Variants in DLGAP2 observed in about 807,000 individuals in gnomAD.
DLGAP2 encodes the protein disks large-associated protein 2.
In DLGAP2, 26 loss-of-function variants were observed where a neutral mutation model predicts 100.3. That is an observed-to-expected ratio of 0.26 (90% CI 0.19 to 0.36). DLGAP2 has a LOEUF of 0.36. DLGAP2 is among the 10% of genes least tolerant of loss of function. The pLI is 1.00. For synonymous variants in DLGAP2, 886 were observed against 630.1 expected (o/e 1.41, Z -6.08); for missense variants, 1,858 against 1,453.2 (o/e 1.28, Z -4.53).
chr8:901,952 G>A (rs1798260275), intron 1 of DLGAP2, among the ~76,000 whole-genome samples: 1 of 152,232 alleles, frequency 6.6e-6, no homozygotes, highest in African/African-American at 2.4e-5. Flanking sequence ...GAAACTGGCT[G>A]GAGGGCAGCG....
At chr8:1,628,914 A>G (rs916864354) in intron 7 of DLGAP2, among the ~76,000 whole-genome samples, 14 of 152,364 alleles carry the variant, frequency 9.2e-5, no homozygotes, top group Middle Eastern at 3.4e-3. Flanking sequence ...CGGCGTGACA[A>G]TGGAAGTACA....
chr8:1,215,312 C>T (rs1036368523), intron 2 of DLGAP2, among the ~76,000 whole-genome samples: 3 of 152,214 alleles, frequency 2.0e-5, no homozygotes, highest in African/African-American at 7.2e-5. Context: ...ACCTTCTGAG[C>T]ATGATCATGC....
intron 2 of DLGAP2, among the ~76,000 whole-genome samples, chr8:1,026,198 C>A (rs77929988): frequency 0.09 from 13,629 of 152,144 alleles, 1,394 homozygotes; most frequent in African/African-American, 0.24. Flanking sequence ...CAGGACGTGC[C>A]TCACGATCGT....
At chr8:1,408,181 C>T (rs1796627400) in intron 3 of DLGAP2, among the ~76,000 whole-genome samples, 1 of 152,218 alleles carries the variant, frequency 6.6e-6, no homozygotes, top group South Asian at 2.1e-4. Context: ...CATTTTATTC[C>T]CGTAGTTGAA....
chr8:1,553,999 G>A (rs1270564361), intron 5 of DLGAP2, among the ~76,000 whole-genome samples: 1 of 152,202 alleles, frequency 6.6e-6, no homozygotes, highest in African/African-American at 2.4e-5. Context: ...TAAAAGGCTT[G>A]TCACAGGGCC....
intron 4 of DLGAP2, among the ~76,000 whole-genome samples, chr8:1,532,047 G>C (rs925200727): frequency 6.6e-6 from 1 of 152,188 alleles, no homozygotes; most frequent in African/African-American, 2.4e-5. Flanking sequence ...GAAGGTGAGA[G>C]ACACATGGTT....
At chr8:917,907 T>G (rs1044009014) in intron 2 of DLGAP2, among the ~76,000 whole-genome samples, 1 of 152,184 alleles carries the variant, frequency 6.6e-6, no homozygotes, top group African/African-American at 2.4e-5. Flanking sequence ...GAGGTAAAGT[T>G]GATCAAAATG....
At chr8:925,268 G>C (rs1439453909) in intron 2 of DLGAP2, among the ~76,000 whole-genome samples, 6 of 152,134 alleles carry the variant, frequency 3.9e-5, no homozygotes, top group East Asian at 1.9e-4. Flanking sequence ...ACCTTGCTCA[G>C]CTAATTTTTA....
chr8:931,000 C>A (rs1314989346), intron 2 of DLGAP2, among the ~76,000 whole-genome samples: 1 of 152,160 alleles, frequency 6.6e-6, no homozygotes, highest in Non-Finnish European at 1.5e-5. Context: ...TTCCTTAAAT[C>A]CCCAGTGAAG....
At chr8:1,143,716 C>G (rs963955749) in intron 2 of DLGAP2, among the ~76,000 whole-genome samples, 2 of 152,246 alleles carry the variant, frequency 1.3e-5, no homozygotes, top group Non-Finnish European at 2.9e-5. Context: ...CCCTAAGTCA[C>G]TGGGTGCCCT....
chr8:1,125,359 A>C lies in DLGAP2; in HGVS notation c.74-133492A>C, dbSNP rs545397241. ...CCGGACAAATACCTGGATCTTGATC[A>C]AATTTTTTTTATGGAAAAAAATGAG... On this transcript the variant is annotated intron_variant, in intron 2 of 14. Coordinates refer to ENST00000637795, the MANE Select transcript of DLGAP2 (RefSeq NM_001346810.2). Among the ~76,000 whole-genome samples, 185 of 152,340 alleles carry C rather than the reference A, an allele frequency of 1.2e-3. 1 individual carries two copies. Among genetic ancestry groups the C allele is most frequent in the African/African-American group, 4.4e-3 (182 of 41,576 alleles).
chr8:966,431 G>T (rs1374290037), intron 2 of DLGAP2, among the ~76,000 whole-genome samples: 1 of 152,166 alleles, frequency 6.6e-6, no homozygotes, highest in Non-Finnish European at 1.5e-5. Context: ...AACTCCGCAG[G>T]AAAGTTTTAG....
chr8:1,269,372 C>T (rs929386128), intron 3 of DLGAP2, among the ~76,000 whole-genome samples: 2 of 152,210 alleles, frequency 1.3e-5, no homozygotes, highest in African/African-American at 2.4e-5. Flanking sequence ...TGTGGCACGG[C>T]GTGGCTCTGT....
intron 1 of DLGAP2, among the ~76,000 whole-genome samples, chr8:897,619 C>T (rs1041915201): frequency 1.3e-5 from 2 of 152,202 alleles, no homozygotes; most frequent in Non-Finnish European, 2.9e-5. Flanking sequence ...ACTCCCAAGA[C>T]CCGGCACCCC....
At chr8:1,386,796 A>G (rs1358038111) in intron 3 of DLGAP2, among the ~76,000 whole-genome samples, 3 of 152,216 alleles carry the variant, frequency 2.0e-5, no homozygotes, top group Admixed American at 2.0e-4. Flanking sequence ...CAAAGAAAAA[A>G]AGGATTGATT....
intron 3 of DLGAP2, among the ~76,000 whole-genome samples, chr8:1,445,037 T>C (rs1437191336): frequency 1.3e-5 from 2 of 151,312 alleles, no homozygotes; most frequent in African/African-American, 4.9e-5. Flanking sequence ...CCCAAAGTGC[T>C]GGGATTACAG....
intron 1 of DLGAP2, among the ~76,000 whole-genome samples, chr8:887,238 A>G (rs1194794179): frequency 1.3e-5 from 2 of 150,640 alleles, no homozygotes; most frequent in African/African-American, 2.4e-5. Context: ...ATATTCCTCC[A>G]TCCCTTTATT....
At chr8:1,381,001 T>G (rs2129764216) in intron 3 of DLGAP2, 1 of 149,960 alleles carries the variant, frequency 6.7e-6, no homozygotes, top group East Asian at 1.9e-4. Flanking sequence ...TTCTTTACAT[T>G]TGATATTTTT....
chr8:1,202,296 A>ATG (rs35325269), intron 2 of DLGAP2, among the ~76,000 whole-genome samples: 45,578 of 149,284 alleles, frequency 0.31, 7,311 homozygotes, highest in African/African-American at 0.42. Flanking sequence ...TATGTAGTAT[A>ATG]TGTGTGTGTG....
Sources: allele counts gnomAD v4.1 joint callset (sites outside exome capture counted in the v4.1 genomes callset), GRCh38; gene constraint gnomAD v4.1.1; transcripts MANE v1.5; gene names NCBI Gene and HGNC (gene_info 2026-07-23, HGNC 2026-07-21).